Variants in SPAG16 observed in about 807,000 individuals in gnomAD.
The protein encoded by SPAG16 is sperm-associated antigen 16 protein.
Under a neutral mutation model 80.4 loss-of-function variants are expected in SPAG16, and 86 were observed. The observed-to-expected ratio is 1.07, with a 90% CI of 0.90 to 1.28. SPAG16 has a LOEUF of 1.28. SPAG16 is among the 50% of genes most tolerant of loss of function. The pLI is 0.00. For missense variants in SPAG16, 870 were observed against 765.3 expected, an observed-to-expected ratio of 1.14 and a Z score of -1.61; for synonymous variants, 294 against 265.9, an observed-to-expected ratio of 1.11 and a Z score of -1.03.
intron 11 of SPAG16, among the ~76,000 whole-genome samples, chr2:213,900,121 T>G (rs188402967): frequency 6.6e-6 from 1 of 152,290 alleles, no homozygotes; most frequent in Non-Finnish European, 1.5e-5. Flanking sequence ...TCACATATTT[T>G]GGTTACCATG....
At chr2:214,257,448 T>G (rs529254857) in intron 15 of SPAG16, among the ~76,000 whole-genome samples, 5 of 152,070 alleles carry the variant, frequency 3.3e-5, no homozygotes, top group Non-Finnish European at 7.4e-5. Context: ...TCTTGCTTTG[T>G]TCCCCATTAT....
intron 15 of SPAG16, among the ~76,000 whole-genome samples, chr2:214,306,380 C>G (rs932168528): frequency 6.6e-6 from 1 of 152,162 alleles, no homozygotes; most frequent in East Asian, 1.9e-4. Context: ...TTTCTCTTCC[C>G]TGACTGCCCT....
intron 15 of SPAG16, among the ~76,000 whole-genome samples, chr2:214,393,984 G>GT (rs1210626269): frequency 6.6e-6 from 1 of 152,204 alleles, no homozygotes; most frequent in African/African-American, 2.4e-5. Flanking sequence ...ATTATCTGGT[G>GT]TATTTGGGCA....
intron 13 of SPAG16, among the ~76,000 whole-genome samples, chr2:214,026,846 A>G (rs1007751901): frequency 6.6e-6 from 1 of 151,546 alleles, no homozygotes. Flanking sequence ...ACAATATAAA[A>G]TCCTTTATTT....
intron 15 of SPAG16, chr2:214,238,205 A>T (rs1912207): frequency 3.9e-5 from 17 of 434,118 alleles, no homozygotes; most frequent in African/African-American, 3.5e-4. Flanking sequence ...TGTTACCTCA[A>T]ATTGAAGTTG....
chr2:213,923,513 G>A (rs780058427), intron 11 of SPAG16, among the ~76,000 whole-genome samples: 5 of 152,190 alleles, frequency 3.3e-5, no homozygotes, highest in Non-Finnish European at 5.9e-5. Context: ...GGGACAACAG[G>A]AGGCTTGTGC....
At chr2:213,576,898 T>G (rs763912056) in intron 10 of SPAG16, among the ~76,000 whole-genome samples, 15 of 152,114 alleles carry the variant, frequency 9.9e-5, no homozygotes, top group Non-Finnish European at 2.1e-4. Flanking sequence ...GGTATGAGGC[T>G]TAATACGTGG....
intron 10 of SPAG16, among the ~76,000 whole-genome samples, chr2:213,836,176 GCC>G (rs34179878): frequency 0.018 from 2,262 of 128,438 alleles, 60 homozygotes; most frequent in African/African-American, 0.043. Flanking sequence ...TTCATTATTC[GCC>G]CCCCCCCCCA....
intron 10 of SPAG16, among the ~76,000 whole-genome samples, chr2:213,809,968 A>AT (rs1160652845): frequency 6.6e-6 from 1 of 152,298 alleles, no homozygotes; most frequent in East Asian, 1.9e-4. Context: ...AGTTTAGATG[A>AT]TAAACCATAC....
intron 9 of SPAG16, among the ~76,000 whole-genome samples, chr2:213,423,049 C>T (rs2069694143): frequency 6.6e-6 from 1 of 152,212 alleles, no homozygotes; most frequent in Admixed American, 6.5e-5. Context: ...CTTATTTTCT[C>T]ACAAGTCAGA....
At chr2:213,998,850 G>A (rs956478647) in intron 12 of SPAG16, among the ~76,000 whole-genome samples, 3 of 152,280 alleles carry the variant, frequency 2.0e-5, no homozygotes, top group Non-Finnish European at 4.4e-5. Context: ...AAAGAGACTG[G>A]TGGCATTTTG....
intron 15 of SPAG16, among the ~76,000 whole-genome samples, chr2:214,295,291 G>A (rs547641745): frequency 2.0e-5 from 3 of 152,240 alleles, no homozygotes; most frequent in Admixed American, 6.5e-5. Context: ...GTTATACAGC[G>A]AACTCTCTGC....
intron 11 of SPAG16, among the ~76,000 whole-genome samples, chr2:213,907,115 A>G (rs1460951957): frequency 1.3e-5 from 2 of 152,244 alleles, no homozygotes; most frequent in Non-Finnish European, 2.9e-5. Flanking sequence ...TATTCATTCA[A>G]CAATGGACTG....
intron 12 of SPAG16, among the ~76,000 whole-genome samples, chr2:213,984,316 C>G (rs1024288400): frequency 2.6e-5 from 4 of 152,058 alleles, no homozygotes; most frequent in African/African-American, 9.7e-5. Flanking sequence ...TGCACACACA[C>G]AGCCATAGTA....
At chr2:213,825,828 T>C (rs1460219029) in intron 10 of SPAG16, among the ~76,000 whole-genome samples, 1 of 151,764 alleles carries the variant, frequency 6.6e-6, no homozygotes, top group Non-Finnish European at 1.5e-5. Context: ...TTTAGAGGGA[T>C]TGGTATTAGG....
intron 13 of SPAG16, among the ~76,000 whole-genome samples, chr2:214,100,598 A>G (rs1305186162): frequency 1.3e-5 from 2 of 151,914 alleles, no homozygotes; most frequent in Admixed American, 6.6e-5. Flanking sequence ...TGTGTACTCA[A>G]TGTTTACCTC....
chr2:213,917,711 C>T (rs966271395), intron 11 of SPAG16, among the ~76,000 whole-genome samples: 1 of 152,164 alleles, frequency 6.6e-6, no homozygotes, highest in Admixed American at 6.5e-5. Flanking sequence ...AGAAATACAT[C>T]ATCTGGAAAC....
chr2:214,251,352 G>T (rs537977877), intron 15 of SPAG16, among the ~76,000 whole-genome samples: 1 of 151,888 alleles, frequency 6.6e-6, no homozygotes, highest in East Asian at 1.9e-4. Flanking sequence ...ATAATAATAG[G>T]CAAAAGATAA....
chr2:213,634,664 C>A (rs1211395648), intron 10 of SPAG16, among the ~76,000 whole-genome samples: 1 of 152,054 alleles, frequency 6.6e-6, no homozygotes, highest in East Asian at 1.9e-4. Flanking sequence ...TGGATAAGTT[C>A]TTTAGTGGTG....
Sources: gnomAD v4.1 joint callset for allele counts (sites outside exome capture counted in the v4.1 genomes callset) on GRCh38, gnomAD v4.1.1 for gene constraint, MANE v1.5 for transcripts, NCBI Gene and HGNC (gene_info 2026-07-23, HGNC 2026-07-21) for gene names.